TMEM132C: variants seen among roughly 807,000 people sequenced by gnomAD.
The protein encoded by TMEM132C is transmembrane protein 132C, also known as protein phosphatase 1, regulatory subunit 152.
In TMEM132C, 29 loss-of-function variants were observed where a neutral mutation model predicts 61.4. That is an observed-to-expected ratio of 0.47 (90% CI 0.35 to 0.64). TMEM132C has a LOEUF of 0.64. Among genes scored for constraint, TMEM132C ranks in the 30% least tolerant of loss-of-function variants. The pLI is 0.00. For synonymous variants in TMEM132C, 656 were observed against 633.1 expected (o/e 1.04, Z -0.54); for missense variants, 1,408 against 1,476.9 (o/e 0.95, Z 0.76).
intron 1 of TMEM132C, among the ~76,000 whole-genome samples, chr12:128,321,258 TG>T (rs1423093234): frequency 6.6e-6 from 1 of 151,952 alleles, no homozygotes; most frequent in Non-Finnish European, 1.5e-5. Flanking sequence ...AGTGGGGAAA[TG>T]GTTAAACAAA....
At position 128,594,350 on chromosome 12, in the gene TMEM132C, C is replaced by T. The variant is rs545053726; in HGVS notation, c.1122-21802C>T. On this transcript the variant is annotated intron_variant, in intron 3 of 8. Transcript: ENST00000435159. ...CCACAGAGAGCCACTGTAACTCTCCCCCCATCCCCTGCCCCCCAACCCCAC... is the reference window on the plus strand; with the variant it reads ...CCACAGAGAGCCACTGTAACTCTCCTCCCATCCCCTGCCCCCCAACCCCAC... 5.5e-4 allele frequency among the ~76,000 whole-genome samples: 83 copies of T among 151,784 alleles called. 1 individual carries two copies. The South Asian group carries it at 0.01, about 19-fold the overall frequency.
chr12:128,276,191 G>A (rs1254521750), intron 1 of TMEM132C, among the ~76,000 whole-genome samples: 2 of 152,044 alleles, frequency 1.3e-5, no homozygotes, highest in East Asian at 1.9e-4. Context: ...TATTGCATGC[G>A]GTAAGACTTG....
At chr12:128,363,844 C>G (rs1873778528) in intron 1 of TMEM132C, among the ~76,000 whole-genome samples, 2 of 87,816 alleles carry the variant, frequency 2.3e-5, no homozygotes. Flanking sequence ...GACTCTGTCT[C>G]GAAAAAAAAA....
intron 1 of TMEM132C, among the ~76,000 whole-genome samples, chr12:128,337,677 T>G (rs941042838): frequency 6.6e-6 from 1 of 152,204 alleles, no homozygotes; most frequent in African/African-American, 2.4e-5. Flanking sequence ...GTCCCCTTGC[T>G]CCTAGCATTC....
At chr12:128,565,428 C>G (rs1246347584) in intron 3 of TMEM132C, among the ~76,000 whole-genome samples, 1 of 152,246 alleles carries the variant, frequency 6.6e-6, no homozygotes, top group Non-Finnish European at 1.5e-5. Context: ...TTAGGGTAAA[C>G]TTTCGCAGCA....
Position 128,622,622 on chromosome 12 carries a change from G to A in TMEM132C, c.1305+6287G>A, listed in dbSNP as rs79004855. Among the ~76,000 whole-genome samples the A allele has an allele frequency of 3.2e-4, 48 of 151,704 alleles. No homozygotes were observed. The East Asian group carries it at 6.3e-3, about 20-fold the overall frequency. ...CCCATGGCACTGCAGAGATGCTATC[G>A]GATCTGCACGTCAATCTGCAGGTGA... On this transcript the variant is annotated intron_variant, in intron 4 of 8. Coordinates refer to ENST00000435159, the MANE Select transcript of TMEM132C (RefSeq NM_001136103.3).
chr12:128,662,194 C>CT (rs1032996098), intron 4 of TMEM132C, among the ~76,000 whole-genome samples: 1 of 152,132 alleles, frequency 6.6e-6, no homozygotes, highest in African/African-American at 2.4e-5. Flanking sequence ...TTTTCTATTC[C>CT]TCCCCCTGCA....
At chr12:128,585,246 A>T (rs552435906) in intron 3 of TMEM132C, among the ~76,000 whole-genome samples, 1 of 152,240 alleles carries the variant, frequency 6.6e-6, no homozygotes, top group African/African-American at 2.4e-5. Context: ...CCATCTCTGG[A>T]TAGTGGTTTG....
intron 1 of TMEM132C, among the ~76,000 whole-genome samples, chr12:128,287,327 A>G (rs958263381): frequency 6.6e-6 from 1 of 152,214 alleles, no homozygotes; most frequent in Non-Finnish European, 1.5e-5. Context: ...TTACTAGGAA[A>G]TAATTTTAGG....
chr12:128,695,751 G>T, intron 6 of TMEM132C, 79 bp from the exon 7 acceptor site: 1 of 1,438,828 alleles, frequency 7.0e-7, no homozygotes, highest in Non-Finnish European at 9.2e-7. Context: ...CCTTGAGGTT[G>T]AGGTGAGCGC....
In TMEM132C at chr12:128,476,886, G is replaced by A. The variant is rs536923891; in HGVS notation, c.974+61266G>A. 1.2e-4 allele frequency among the ~76,000 whole-genome samples: 18 copies of A among 152,208 alleles called. 1 individual carries two copies. In the South Asian group the frequency reaches 2.5e-3, roughly 21 times the overall value. On this transcript the variant is annotated intron_variant, in intron 2 of 8. Transcript: ENST00000435159. ...CAAGGAATTTTATTATACTTCCCAC[G>A]TTCTGTAGGAAAGTCTCAATTATCC...
intron 1 of TMEM132C, among the ~76,000 whole-genome samples, chr12:128,396,046 A>G (rs1161122303): frequency 6.6e-6 from 1 of 152,234 alleles, no homozygotes; most frequent in African/African-American, 2.4e-5. Flanking sequence ...TTGGTGGTAC[A>G]GAAAGATACA....
At chr12:128,495,966 A>G (rs914531071) in intron 2 of TMEM132C, among the ~76,000 whole-genome samples, 7 of 152,122 alleles carry the variant, frequency 4.6e-5, no homozygotes, top group African/African-American at 1.7e-4. Context: ...TGCAGTGGCT[A>G]GTACCGGTTG....
chr12:128,458,494 C>T (rs1870423994), intron 2 of TMEM132C, among the ~76,000 whole-genome samples: 1 of 152,062 alleles, frequency 6.6e-6, no homozygotes, highest in African/African-American at 2.4e-5. Flanking sequence ...GCTGGGGACG[C>T]AGGATTCCTC....
At chr12:128,388,964 G>A (rs1328575689) in intron 1 of TMEM132C, among the ~76,000 whole-genome samples, 2 of 152,104 alleles carry the variant, frequency 1.3e-5, no homozygotes, top group African/African-American at 4.8e-5. Context: ...GTCTGTGCGG[G>A]CAACAGAAGA....
chr12:128,345,860 T>C (rs1414241276), intron 1 of TMEM132C, among the ~76,000 whole-genome samples: 1 of 152,202 alleles, frequency 6.6e-6, no homozygotes, highest in Non-Finnish European at 1.5e-5. Context: ...GTTGATAGTT[T>C]CTTTTGTTGT....
At chr12:128,631,141 A>C (rs1001982435) in intron 4 of TMEM132C, among the ~76,000 whole-genome samples, 1 of 152,262 alleles carries the variant, frequency 6.6e-6, no homozygotes, top group African/African-American at 2.4e-5. Context: ...CAGACGAAGC[A>C]GTGTTATGTA....
intron 3 of TMEM132C, among the ~76,000 whole-genome samples, chr12:128,560,300 A>G (rs937177214): frequency 2.0e-5 from 3 of 152,122 alleles, no homozygotes; most frequent in African/African-American, 7.2e-5. Context: ...TTTCTGATAA[A>G]TCCCCAAGCT....
intron 2 of TMEM132C, among the ~76,000 whole-genome samples, chr12:128,443,099 T>A (rs150780297): frequency 1.7e-4 from 26 of 152,086 alleles, no homozygotes; most frequent in African/African-American, 6.3e-4. Flanking sequence ...AAAAAATGGA[T>A]ATATATTGTA....
Sources: allele counts gnomAD v4.1 joint callset (sites outside exome capture counted in the v4.1 genomes callset), GRCh38; gene constraint gnomAD v4.1.1; transcripts MANE v1.5; gene names NCBI Gene and HGNC (gene_info 2026-07-23, HGNC 2026-07-21).